Variants in MINDY2 observed in about 807,000 individuals in gnomAD.
MINDY2 encodes ubiquitin carboxyl-terminal hydrolase MINDY-2.
A neutral mutation model predicts 68.2 loss-of-function variants in MINDY2; 52 were observed. The ratio of observed to expected loss-of-function variants is 0.76; its 90% CI spans 0.61 to 0.96. The LOEUF (loss-of-function observed/expected upper bound fraction) is 0.96. Among genes scored for constraint, MINDY2 ranks in the 40% least tolerant of loss-of-function variants. MINDY2 has a pLI of 0.00. For synonymous variants in MINDY2, 372 were observed against 303.0 expected (o/e 1.23, Z -2.36); for missense variants, 881 against 773.4 (o/e 1.14, Z -1.65).
intron 2 of MINDY2, 149 bp from the exon 3 acceptor site, chr15:58,802,164 G>T (rs768832986): frequency 1.7e-5 from 10 of 603,778 alleles, no homozygotes; most frequent in Non-Finnish European, 3.0e-5. Flanking sequence ...AGTTAACATT[G>T]ATTTTCTCTG....
In MINDY2 at chr15:58,771,782, G is replaced by C; in HGVS notation, c.387G>C (p.Ala129=). The C allele has an allele frequency of 6.2e-7, 1 of 1,610,354 alleles. No homozygotes were observed. The highest frequency in any genetic ancestry group is 8.5e-7 in the Non-Finnish European group (1 of 1,179,062). ...ATGAGTTGGGTACCGCCGGAGACGCGGGAGCCCGCCCGGATCTCGCCGGCA... is the reference window on the plus strand; with the variant it reads ...ATGAGTTGGGTACCGCCGGAGACGCCGGAGCCCGCCCGGATCTCGCCGGCA... The part of the protein sequence containing the change: ...VGHELGTAGD[A]GARPDLAGTC... The change falls in exon 1 of 9, where the codon GCG becomes GCC. Residue 129 remains alanine (A), a synonymous_variant. Coordinates refer to ENST00000559228, the MANE Select transcript of MINDY2 (RefSeq NM_001040450.3).
intron 6 of MINDY2, among the ~76,000 whole-genome samples, chr15:58,833,456 A>G (rs922535602): frequency 2.0e-5 from 3 of 152,228 alleles, no homozygotes; most frequent in Non-Finnish European, 4.4e-5. Context: ...AAGGGGGCCC[A>G]GGGGACCAGC....
At chr15:58,829,090 AAAT>A (rs1378770107) in intron 5 of MINDY2, among the ~76,000 whole-genome samples, 3 of 152,176 alleles carry the variant, frequency 2.0e-5, no homozygotes, top group Non-Finnish European at 4.4e-5. Context: ...ATAAGTTTAC[AAAT>A]AAATAAACTG....
intron 2 of MINDY2, among the ~76,000 whole-genome samples, chr15:58,788,585 A>T (rs1901663346): frequency 6.6e-6 from 1 of 152,202 alleles, no homozygotes. Context: ...ATTGAGTTGA[A>T]CTTGTTTAGA....
At chr15:58,786,891 G>T (rs1477294298) in intron 1 of MINDY2, among the ~76,000 whole-genome samples, 1 of 152,214 alleles carries the variant, frequency 6.6e-6, no homozygotes, top group East Asian at 1.9e-4. Flanking sequence ...GTGCAATGGT[G>T]CATTCTTGGC....
At chr15:58,782,827 GC>G (rs1234643381) in intron 1 of MINDY2, among the ~76,000 whole-genome samples, 3 of 149,980 alleles carry the variant, frequency 2.0e-5, no homozygotes, top group African/African-American at 7.4e-5. Context: ...AATAATGCCT[GC>G]TTCATAGGAT....
intron 6 of MINDY2, among the ~76,000 whole-genome samples, chr15:58,840,759 C>G (rs1221082986): frequency 6.7e-6 from 1 of 148,186 alleles, no homozygotes; most frequent in African/African-American, 2.5e-5. Flanking sequence ...CAGGTTCATG[C>G]CATTCTCCTG....
intron 1 of MINDY2, among the ~76,000 whole-genome samples, chr15:58,785,867 C>T (rs1319265389): frequency 1.3e-5 from 2 of 152,000 alleles, no homozygotes; most frequent in African/African-American, 4.8e-5. Context: ...TTAGTAAAGT[C>T]CGTGTTTCAC....
At chr15:58,825,691 T>G (rs1351629733) in intron 5 of MINDY2, among the ~76,000 whole-genome samples, 3 of 152,144 alleles carry the variant, frequency 2.0e-5, no homozygotes, top group Admixed American at 6.6e-5. Context: ...CTGCAACCTC[T>G]GCCTCCCAGG....
chr15:58,802,552 T>G (rs1902737766), intron 3 of MINDY2, among the ~76,000 whole-genome samples, 175 bp downstream of exon 3: 1 of 152,126 alleles, frequency 6.6e-6, no homozygotes. Flanking sequence ...TTTTTATGCC[T>G]CTTTAAAAAT....
chr15:58,843,690 C>T (rs745903891), intron 6 of MINDY2, among the ~76,000 whole-genome samples: 3 of 151,822 alleles, frequency 2.0e-5, no homozygotes, highest in Non-Finnish European at 2.9e-5. Context: ...AAAAATTAGC[C>T]GGGCGTGGTG....
In MINDY2 at chr15:58,854,676, G is replaced by A. The variant is rs2033000228; in HGVS notation, c.*66G>A. The A allele has an allele frequency of 1.3e-6, 2 of 1,529,248 alleles. No homozygotes were observed. Among genetic ancestry groups the A allele is most frequent in the Non-Finnish European group, 1.7e-6 (2 of 1,144,730 alleles). 94.7% of individuals were successfully genotyped at this position (1,529,248 alleles called of 1,614,324 possible). ...AAACAAAACCACAGGAGGAAAGGAA[G>A]AAAAACCGATCAATACCGTCTGTGC... is the stretch of plus-strand genomic sequence containing the variant. On this transcript the variant is annotated 3_prime_UTR_variant, in exon 9 of 9. Coordinates refer to ENST00000559228, the MANE Select transcript of MINDY2 (RefSeq NM_001040450.3).
At chr15:58,809,208 T>G (rs533986155) in intron 3 of MINDY2, among the ~76,000 whole-genome samples, 1 of 152,144 alleles carries the variant, frequency 6.6e-6, no homozygotes, top group Non-Finnish European at 1.5e-5. Flanking sequence ...TGAGACCCTA[T>G]ATTCATCAAA....
At chr15:58,790,835 T>G (rs1319463115) in intron 2 of MINDY2, among the ~76,000 whole-genome samples, 2 of 151,840 alleles carry the variant, frequency 1.3e-5, no homozygotes, top group Non-Finnish European at 2.9e-5. Flanking sequence ...GAGCAAGGCT[T>G]TTAGGGAGAA....
intron 7 of MINDY2, among the ~76,000 whole-genome samples, chr15:58,849,978 G>T (rs1387245837): frequency 6.6e-6 from 1 of 152,036 alleles, no homozygotes; most frequent in Non-Finnish European, 1.5e-5. Flanking sequence ...CTCAAGTGAT[G>T]TGCCCGCCTT....
chr15:58,799,135 C>G (rs1450050036), intron 2 of MINDY2, among the ~76,000 whole-genome samples: 1 of 152,192 alleles, frequency 6.6e-6, no homozygotes, highest in East Asian at 1.9e-4. Flanking sequence ...CAAAGAAATT[C>G]TGAAGGCTCT....
intron 3 of MINDY2, among the ~76,000 whole-genome samples, chr15:58,808,836 C>A (rs1331747195): frequency 6.6e-6 from 1 of 152,140 alleles, no homozygotes; most frequent in Non-Finnish European, 1.5e-5. Context: ...GATCTCCTGA[C>A]CTCGTGATCC....
chr15:58,832,049 ATT>A lies in MINDY2; in HGVS notation c.1368+134_1368+135del, dbSNP rs548529368. The A allele has an allele frequency of 8.9e-5, 67 of 756,554 alleles. No individual in the cohort carries two copies. The African/African-American group carries it at 9.9e-4, about 11-fold the overall frequency. 46.9% of individuals were successfully genotyped at this position (756,554 alleles called of 1,614,324 possible). A position where few individuals can be genotyped will look rare whatever the true frequency, so the allele number is the denominator to read the frequency against. ...TAACCATCAAATTATGAAGGTAATT[ATT>A]AAATACAGTACTTCTTAAGGATGGG... On this transcript the variant is annotated intron_variant, in intron 6 of 8. Transcript: ENST00000559228.
Position 58,845,939 on chromosome 15 carries a change from C to G in MINDY2, c.1369-1358C>G, listed in dbSNP as rs556837425. On this transcript the variant is annotated intron_variant, in intron 6 of 8. Coordinates refer to ENST00000559228, the MANE Select transcript of MINDY2 (RefSeq NM_001040450.3). ...GGTCATAATGTTAAGTGAGATAAGC[C>G]AGGCACAGAAAGACACACTTCGCAT... is the stretch of plus-strand genomic sequence containing the variant. Among the ~76,000 whole-genome samples the G allele has an allele frequency of 3.9e-5, 6 of 152,102 alleles. No homozygotes were observed. In the South Asian group the frequency reaches 1.2e-3, roughly 32 times the overall value.
Sources: gnomAD v4.1 joint callset for allele counts (sites outside exome capture counted in the v4.1 genomes callset) on GRCh38, gnomAD v4.1.1 for gene constraint, MANE v1.5 for transcripts, NCBI Gene and HGNC (gene_info 2026-07-23, HGNC 2026-07-21) for gene names.